Variants in SYNE2 observed in about 807,000 individuals in gnomAD.
SYNE2 encodes the protein spectrin repeat containing nuclear envelope protein 2.
Under a neutral mutation model 856.3 loss-of-function variants are expected in SYNE2, and 431 were observed. The ratio of observed to expected loss-of-function variants is 0.50; its 90% confidence interval spans 0.47 to 0.55. SYNE2 has a LOEUF of 0.55. SYNE2 is among the 20% of genes least tolerant of loss of function. SYNE2 has a pLI of 0.00. For missense variants in SYNE2, 8,129 were observed against 8,023.2 expected, an observed-to-expected ratio of 1.01 and a Z score of -0.50; for synonymous variants, 2,923 against 2,872.3, an observed-to-expected ratio of 1.02 and a Z score of -0.56.
chr14:63,869,292 A>C (rs555955402), intron 1 of SYNE2, among the ~76,000 whole-genome samples: 4 of 152,266 alleles, frequency 2.6e-5, no homozygotes, highest in African/African-American at 4.8e-5. Context: ...TGATGTTTAA[A>C]TATCACGTCT....
At chr14:64,037,787 C>T (rs867305598) in intron 45 of SYNE2, among the ~76,000 whole-genome samples, 4,784 of 137,212 alleles carry the variant, frequency 0.035, 294 homozygotes, top group African/African-American at 0.12. Flanking sequence ...CCAGTAGGGG[C>T]GGCCGGGCAG....
intron 1 of SYNE2, among the ~76,000 whole-genome samples, chr14:63,846,618 T>C (rs1175161648): frequency 1.3e-5 from 2 of 150,800 alleles, no homozygotes; most frequent in Non-Finnish European, 3.0e-5. Context: ...TGTTTTGAGA[T>C]GGAGTCTCCC....
At chr14:63,814,497 A>C (rs1404454792) in intron 1 of SYNE2, among the ~76,000 whole-genome samples, 1 of 71,256 alleles carries the variant, frequency 1.4e-5, no homozygotes, top group Non-Finnish European at 3.1e-5. Flanking sequence ...ATATATATCC[A>C]TATATATAAT....
intron 43 of SYNE2, 89 bp downstream of exon 43, chr14:64,027,882 C>T: frequency 1.9e-6 from 2 of 1,066,276 alleles, no homozygotes; most frequent in South Asian, 1.5e-5. Context: ...TGTTGTTGTT[C>T]ATTTTGTTTT....
At chr14:63,976,937 A>G (rs1341796083) in intron 12 of SYNE2, among the ~76,000 whole-genome samples, 1 of 151,616 alleles carries the variant, frequency 6.6e-6, no homozygotes, top group Non-Finnish European at 1.5e-5. Flanking sequence ...TTAGGATAGA[A>G]TCTAAATAAG....
At chr14:63,982,896 C>A in intron 17 of SYNE2, 102 bp downstream of exon 17, 1 of 1,176,724 alleles carries the variant, frequency 8.5e-7, no homozygotes, top group Non-Finnish European at 1.2e-6. Flanking sequence ...GGTATATGCA[C>A]AGTTACGTAG....
In SYNE2 at chr14:64,158,906, G is replaced by A. The variant is rs865815743; in HGVS notation, c.15963+111G>A. 162 of 1,193,554 alleles carry A rather than the reference G, an allele frequency of 1.4e-4. 1 individual carries two copies. In the Middle Eastern group the frequency reaches 6.4e-3, roughly 47 times the overall value. The allele number at this position is 1,193,554 out of a possible 1,614,324, so 73.9% of individuals were successfully genotyped here. A position where few individuals can be genotyped will look rare whatever the true frequency, so the allele number is the denominator to read the frequency against. On this transcript the variant is annotated intron_variant, in intron 86 of 115. Coordinates refer to ENST00000555002, the MANE Select transcript of SYNE2 (RefSeq NM_182914.3). ...GTGCCCTCCCACAGAGAAGCACAAAGCATGTTAAATAGCAGTTTCAAAAGA... is the reference window on the plus strand; with the variant it reads ...GTGCCCTCCCACAGAGAAGCACAAAACATGTTAAATAGCAGTTTCAAAAGA...
intron 7 of SYNE2, among the ~76,000 whole-genome samples, chr14:63,953,203 T>C (rs2096190984): frequency 6.6e-6 from 1 of 152,206 alleles, no homozygotes; most frequent in Non-Finnish European, 1.5e-5. Flanking sequence ...GGACTTTTTT[T>C]ATGGTCAAGA....
intron 6 of SYNE2, among the ~76,000 whole-genome samples, chr14:63,944,896 C>T (rs982091572): frequency 8.6e-6 from 1 of 116,392 alleles, no homozygotes; most frequent in Non-Finnish European, 1.6e-5. Flanking sequence ...GTGATTTTGG[C>T]TCCTGAATTC....
chr14:64,019,611 G>T (rs2096921098), intron 34 of SYNE2, among the ~76,000 whole-genome samples: 1 of 152,186 alleles, frequency 6.6e-6, no homozygotes, highest in African/African-American at 2.4e-5. Context: ...TAAACTGACA[G>T]CTGTGGGCCA....
intron 96 of SYNE2, among the ~76,000 whole-genome samples, chr14:64,180,655 C>T (rs948811931): frequency 9.9e-5 from 15 of 152,164 alleles, no homozygotes; most frequent in African/African-American, 3.4e-4. Context: ...AGGCACCCGC[C>T]ACCACGCCCA....
chr14:63,929,661 C>T (rs753631901), intron 2 of SYNE2, among the ~76,000 whole-genome samples: 3 of 151,808 alleles, frequency 2.0e-5, no homozygotes, highest in Non-Finnish European at 4.4e-5. Context: ...ATCCCAGCTA[C>T]TCGGGAGGCT....
chr14:64,081,733 G>C (rs2097525401), intron 57 of SYNE2, among the ~76,000 whole-genome samples, 153 bp downstream of exon 57: 1 of 152,094 alleles, frequency 6.6e-6, no homozygotes. Context: ...AGAGTGGCAA[G>C]CAGTAGACAT....
At chr14:64,104,597 C>A (rs2097759474) in intron 64 of SYNE2, among the ~76,000 whole-genome samples, 4 of 151,930 alleles carry the variant, frequency 2.6e-5, no homozygotes, top group Non-Finnish European at 5.9e-5. Context: ...TTACAGGTGC[C>A]CGCCACCATG....
chr14:64,223,147 C>A, intron 112 of SYNE2, 42 bp from the exon 113 acceptor site: 2 of 1,610,296 alleles, frequency 1.2e-6, no homozygotes, highest in South Asian at 1.1e-5. Flanking sequence ...ACTCGCTTCC[C>A]TTTGGACAGG....
chr14:63,767,737 A>G (rs1886739702), intron 1 of SYNE2, among the ~76,000 whole-genome samples: 1 of 151,740 alleles, frequency 6.6e-6, no homozygotes, highest in African/African-American at 2.4e-5. Context: ...TTGCACTATC[A>G]CCCTCATATT....
At chr14:64,220,386 C>A (rs750458724) in intron 110 of SYNE2, 51 bp from the exon 111 acceptor site, 2 of 1,602,332 alleles carry the variant, frequency 1.2e-6, no homozygotes, top group South Asian at 1.1e-5. Flanking sequence ...AAAATGAGCC[C>A]CTCCTCCCTA....
At chr14:63,796,730 A>T (rs551105614) in intron 1 of SYNE2, among the ~76,000 whole-genome samples, 2 of 152,010 alleles carry the variant, frequency 1.3e-5, no homozygotes, top group Non-Finnish European at 2.9e-5. Context: ...AAAAGATATA[A>T]CTCAGATTTC....
chr14:63,993,014 T>C (rs184985218), intron 21 of SYNE2, among the ~76,000 whole-genome samples: 1 of 152,320 alleles, frequency 6.6e-6, no homozygotes, highest in East Asian at 1.9e-4. Context: ...TTTTGTTCTG[T>C]CATTCGCTAG....
Sources: gnomAD v4.1 joint callset for allele counts (sites outside exome capture counted in the v4.1 genomes callset) on GRCh38, gnomAD v4.1.1 for gene constraint, MANE v1.5 for transcripts, NCBI Gene and HGNC (gene_info 2026-07-23, HGNC 2026-07-21) for gene names.